SAMD3: variants seen among roughly 807,000 people sequenced by gnomAD.
SAMD3 encodes sterile alpha motif domain containing 3.
Under a neutral mutation model 58.5 loss-of-function variants are expected in SAMD3, and 63 were observed. That is an observed-to-expected ratio of 1.08 (90% CI 0.88 to 1.33). The LOEUF is 1.33. Among genes scored for constraint, SAMD3 ranks in the 40% most tolerant of loss-of-function variants. The pLI is 0.00. For missense variants in SAMD3, 604 were observed against 608.4 expected (o/e 0.99, Z 0.08); for synonymous variants, 220 against 210.3 (o/e 1.05, Z -0.40).
At chr6:130,310,648 C>T (rs1776118549) in intron 2 of SAMD3, among the ~76,000 whole-genome samples, 1 of 152,176 alleles carries the variant, frequency 6.6e-6, no homozygotes, top group Non-Finnish European at 1.5e-5. Flanking sequence ...TGTACTTCTA[C>T]TGAATTCAAA....
At chr6:130,237,414 CT>C (rs995462614) in intron 2 of SAMD3, among the ~76,000 whole-genome samples, 14 of 152,044 alleles carry the variant, frequency 9.2e-5, no homozygotes, top group Admixed American at 8.5e-4. Context: ...GCATTTTGTA[CT>C]TGGTACATTT....
intron 1 of SAMD3, among the ~76,000 whole-genome samples, chr6:130,358,611 A>C (rs1273651102): frequency 6.6e-6 from 1 of 152,054 alleles, no homozygotes; most frequent in African/African-American, 2.4e-5. Flanking sequence ...CACTAAGAAA[A>C]TTTTGAAAGA....
chr6:130,327,807 G>A (rs1211609946), intron 1 of SAMD3, among the ~76,000 whole-genome samples: 1 of 152,102 alleles, frequency 6.6e-6, no homozygotes, highest in Non-Finnish European at 1.5e-5. Context: ...GAATTTATAA[G>A]GTAGAAGTGA....
chr6:130,317,166 C>T (rs1776404848), intron 1 of SAMD3, among the ~76,000 whole-genome samples: 1 of 152,142 alleles, frequency 6.6e-6, no homozygotes, highest in African/African-American at 2.4e-5. Context: ...TTCCTGAACA[C>T]CTGTCAGCAA....
chr6:130,244,814 G>T (rs1773487512), intron 2 of SAMD3, among the ~76,000 whole-genome samples: 1 of 151,916 alleles, frequency 6.6e-6, no homozygotes, highest in Admixed American at 6.6e-5. Context: ...ATGCCATAGG[G>T]TTGCTGTAGT....
At chr6:130,285,897 G>C (rs1240383387) in intron 2 of SAMD3, among the ~76,000 whole-genome samples, 1 of 152,156 alleles carries the variant, frequency 6.6e-6, no homozygotes, top group African/African-American at 2.4e-5. Context: ...GAGATGGTAG[G>C]ACCTTGAAGA....
intron 2 of SAMD3, among the ~76,000 whole-genome samples, chr6:130,296,038 C>G (rs982686214): frequency 1.3e-5 from 2 of 152,218 alleles, no homozygotes; most frequent in Non-Finnish European, 2.9e-5. Flanking sequence ...TTCCCTTCCT[C>G]TTCATTTCCT....
intron 2 of SAMD3, among the ~76,000 whole-genome samples, chr6:130,254,795 T>C (rs1244266577): frequency 6.6e-6 from 1 of 152,228 alleles, no homozygotes; most frequent in Non-Finnish European, 1.5e-5. Context: ...AAGTATTCCC[T>C]CCTCTTTGAC....
chr6:130,212,464 A>C (rs1433324764), intron 4 of SAMD3, among the ~76,000 whole-genome samples: 1 of 152,238 alleles, frequency 6.6e-6, no homozygotes, highest in Admixed American at 6.5e-5. Context: ...CAGTTAACAA[A>C]GTTTCATACT....
intron 2 of SAMD3, among the ~76,000 whole-genome samples, chr6:130,302,594 A>C (rs1325989602): frequency 5.3e-5 from 8 of 152,174 alleles, no homozygotes; most frequent in Admixed American, 2.0e-4. Context: ...TCCAAAGGAA[A>C]ATAAATTGTT....
chr6:130,322,906 T>C (rs1421963753), intron 1 of SAMD3, among the ~76,000 whole-genome samples: 2 of 152,056 alleles, frequency 1.3e-5, no homozygotes, highest in African/African-American at 4.8e-5. Context: ...TAACAGAAAA[T>C]GGAATAGGCT....
chr6:130,319,369 TAAAAAA>T (rs374093128), intron 1 of SAMD3, among the ~76,000 whole-genome samples: 1 of 151,540 alleles, frequency 6.6e-6, no homozygotes. Flanking sequence ...TAAAACCAGT[TAAAAAA>T]AGAAAAATTT....
chr6:130,264,707 G>A (rs1257329997), intron 2 of SAMD3, among the ~76,000 whole-genome samples: 2 of 152,144 alleles, frequency 1.3e-5, no homozygotes, highest in Admixed American at 6.5e-5. Flanking sequence ...TATTTTAGTG[G>A]GTGACAGTTA....
chr6:130,145,868 A>G, intron 10 of SAMD3, 142 bp downstream of exon 10: 1 of 285,132 alleles, frequency 3.5e-6, no homozygotes, highest in East Asian at 6.6e-5. Context: ...TATTTTAGTA[A>G]TGTAAATTTT....
intron 1 of SAMD3, among the ~76,000 whole-genome samples, chr6:130,356,187 C>T (rs1291348214): frequency 6.6e-6 from 1 of 152,154 alleles, no homozygotes; most frequent in African/African-American, 2.4e-5. Flanking sequence ...CCCTGGATGA[C>T]CAGGTCTCTG....
At chr6:130,261,428 G>A (rs1774133669) in intron 2 of SAMD3, among the ~76,000 whole-genome samples, 1 of 152,226 alleles carries the variant, frequency 6.6e-6, no homozygotes, top group Non-Finnish European at 1.5e-5. Flanking sequence ...CACCCACGGT[G>A]TGCCTGTACC....
At chr6:130,273,525 T>C (rs1318566340) in intron 2 of SAMD3, among the ~76,000 whole-genome samples, 1 of 152,130 alleles carries the variant, frequency 6.6e-6, no homozygotes, top group Non-Finnish European at 1.5e-5. Flanking sequence ...GAACTTACAA[T>C]TGCCGTTTTG....
chr6:130,158,702 G>A (rs933466607), intron 8 of SAMD3, among the ~76,000 whole-genome samples: 1 of 152,148 alleles, frequency 6.6e-6, no homozygotes, highest in Non-Finnish European at 1.5e-5. Context: ...AAATAAAGAA[G>A]CAACAAAAAT....
chr6:130,287,486 G>A (rs1775198705), intron 2 of SAMD3, among the ~76,000 whole-genome samples: 1 of 152,096 alleles, frequency 6.6e-6, no homozygotes, highest in African/African-American at 2.4e-5. Flanking sequence ...AAAGAAATAA[G>A]GTGTTAATTT....
Sources: gnomAD v4.1 joint callset for allele counts (sites outside exome capture counted in the v4.1 genomes callset) on GRCh38, gnomAD v4.1.1 for gene constraint, MANE v1.5 for transcripts, NCBI Gene and HGNC (gene_info 2026-07-23, HGNC 2026-07-21) for gene names.